The following IPPK variants were observed in gnomAD, a reference collection of about 807,000 sequenced individuals.
The protein encoded by IPPK is IPK1 homolog.
In IPPK, 22 loss-of-function variants were observed where a neutral mutation model predicts 64.6. The observed-to-expected ratio is 0.34, with a 90% CI of 0.24 to 0.49. The LOEUF is 0.49. Ranked by LOEUF, IPPK falls within the 20% of genes least tolerant of loss-of-function variation. The pLI, the probability that IPPK is intolerant of heterozygous loss-of-function variation, is 0.99. For missense variants in IPPK, 532 were observed against 630.7 expected (o/e 0.84, Z 1.68); for synonymous variants, 262 against 247.2 (o/e 1.06, Z -0.56).
At chr9:92,633,418 G>A (rs1324639350) in intron 11 of IPPK, among the ~76,000 whole-genome samples, 1 of 151,068 alleles carries the variant, frequency 6.6e-6, no homozygotes, top group Non-Finnish European at 1.5e-5. Context: ...CTGTCACCCA[G>A]GCTGGAGCAC....
At chr9:92,625,690 G>C (rs1851720166) in intron 11 of IPPK, among the ~76,000 whole-genome samples, 1 of 152,216 alleles carries the variant, frequency 6.6e-6, no homozygotes, top group African/African-American at 2.4e-5. Flanking sequence ...TGGGAAGGCT[G>C]AGCTGTCCTA....
intron 1 of IPPK, among the ~76,000 whole-genome samples, chr9:92,665,552 C>T (rs1046567099): frequency 3.3e-5 from 5 of 152,026 alleles, no homozygotes; most frequent in Admixed American, 2.6e-4. Context: ...GAGTATCATA[C>T]ATATCCATTG....
rs1852286629 is a variant in IPPK at position 92,652,460 on chromosome 9, A to AG, written c.292+112_292+113insC. The stretch of plus-strand genomic sequence containing the variant: ...TGAGACTCCGTCTCAAAAAAAAAAA[A>AG]AAAAAAAGGATTACTGAAAAATGCA... On this transcript the variant is annotated intron_variant, in intron 4 of 12. Transcript: ENST00000287996. 9.5e-6 allele frequency: 5 copies of AG among 528,648 alleles called. No individual in the cohort carries two copies. The East Asian group carries it at 1.6e-4, about 17-fold the overall frequency. 32.7% of individuals were successfully genotyped at this position (528,648 alleles called of 1,614,324 possible). A position where few individuals can be genotyped will look rare whatever the true frequency, so the allele number is the denominator to read the frequency against.
chr9:92,630,401 T>C (rs888339628), intron 11 of IPPK, among the ~76,000 whole-genome samples: 3 of 152,210 alleles, frequency 2.0e-5, no homozygotes, highest in Admixed American at 1.3e-4. Context: ...AATGGGACGA[T>C]AGCTAAAGGG....
At chr9:92,658,484 T>A in intron 2 of IPPK, 150 bp downstream of exon 2, 1 of 712,158 alleles carries the variant, frequency 1.4e-6, no homozygotes, top group Non-Finnish European at 2.4e-6. Flanking sequence ...CAGTTTTATA[T>A]CAGGAATGAT....
At chr9:92,623,340 A>C (rs1851676578) in intron 11 of IPPK, among the ~76,000 whole-genome samples, 1 of 152,010 alleles carries the variant, frequency 6.6e-6, no homozygotes, top group African/African-American at 2.4e-5. Flanking sequence ...AGGCTGAGGC[A>C]GGAGAATGGT....
chr9:92,623,011 A>C (rs994594765), intron 11 of IPPK, among the ~76,000 whole-genome samples: 1 of 152,208 alleles, frequency 6.6e-6, no homozygotes, highest in Non-Finnish European at 1.5e-5. Flanking sequence ...AAAACAATAA[A>C]TTTTCTAAAG....
Position 92,635,099 on chromosome 9 carries a change from C to A in IPPK, c.1067+59G>T. The A allele has an allele frequency of 6.6e-7, 1 of 1,508,994 alleles. No homozygotes were observed. The highest frequency in any genetic ancestry group is 9.0e-7 in the Non-Finnish European group (1 of 1,115,278). The allele number at this position is 1,508,994 out of a possible 1,614,324, so 93.5% of individuals were successfully genotyped here. A position where few individuals can be genotyped will look rare whatever the true frequency, so the allele number is the denominator to read the frequency against. ...GTGCCTTGGGAGGCGCATTCTTACC[C>A]TGCCCACTCCCACAGTCTCCTCTCA... is the stretch of plus-strand genomic sequence containing the variant. On this transcript the variant is annotated intron_variant, in intron 10 of 12. Transcript: ENST00000287996. This position sits in a 1 kb window ranked among gnomAD's most constrained non-coding sequence, Gnocchi z 4.4.
intron 1 of IPPK, 135 bp downstream of exon 1, chr9:92,669,773 C>A (rs2277165): frequency 0.051 from 31,847 of 627,434 alleles, 1,065 homozygotes; most frequent in South Asian, 0.096. Context: ...GGGGGAATTC[C>A]GGAGACCGGC....
intron 1 of IPPK, among the ~76,000 whole-genome samples, chr9:92,663,388 T>C (rs1852527268): frequency 6.6e-6 from 1 of 152,212 alleles, no homozygotes; most frequent in Admixed American, 6.5e-5. Flanking sequence ...TCTAGGTGTG[T>C]TCATATGGCA....
chr9:92,643,875 A>G (rs17366134), intron 6 of IPPK, among the ~76,000 whole-genome samples: 6,045 of 152,366 alleles, frequency 0.04, 185 homozygotes, highest in South Asian at 0.11. Flanking sequence ...ATGCAAATAT[A>G]TCTGACAATA....
rs937874892 is a variant in IPPK, at chr9:92,670,125, G to A, written c.-137C>T. On this transcript the variant is annotated 5_prime_UTR_variant, in exon 1 of 13. Coordinates refer to ENST00000287996, the MANE Select transcript of IPPK (RefSeq NM_022755.6). ...TGCCGCCCCCGCTCGACCCCGCCGC[G>A]GCGACTAGCAAGCTGTGGCCGCCGG... 4.4e-5 allele frequency: 25 copies of A among 565,920 alleles called. No homozygotes were observed. Among genetic ancestry groups the A allele is most frequent in the Admixed American group, 4.3e-5 (1 of 23,326 alleles). 35.1% of individuals were successfully genotyped at this position (565,920 alleles called of 1,614,324 possible).
At chr9:92,650,310 G>C (rs546986125) in intron 4 of IPPK, among the ~76,000 whole-genome samples, 20 of 151,424 alleles carry the variant, frequency 1.3e-4, no homozygotes, top group Non-Finnish European at 2.9e-4. Context: ...CCTGGCGAAG[G>C]AGCAAGACTC....
At chr9:92,621,682 T>C (rs1468554903) in intron 11 of IPPK, among the ~76,000 whole-genome samples, 1 of 152,046 alleles carries the variant, frequency 6.6e-6, no homozygotes, top group Admixed American at 6.5e-5. Context: ...ACTCGGCTGA[T>C]TTTTAATTAC....
intron 11 of IPPK, among the ~76,000 whole-genome samples, chr9:92,622,520 G>A (rs191521542): frequency 5.6e-4 from 85 of 152,150 alleles, no homozygotes; most frequent in African/African-American, 1.8e-3. Flanking sequence ...TCTTTTTAAA[G>A]ATGCCATTTA....
intron 1 of IPPK, among the ~76,000 whole-genome samples, chr9:92,661,767 T>A (rs1852489777): frequency 6.6e-6 from 1 of 152,212 alleles, no homozygotes; most frequent in African/African-American, 2.4e-5. Flanking sequence ...CCAGTTTTCA[T>A]CAATACCAAA....
chr9:92,655,654 G>A (rs1301369890), intron 3 of IPPK, among the ~76,000 whole-genome samples: 2 of 152,176 alleles, frequency 1.3e-5, no homozygotes, highest in Non-Finnish European at 2.9e-5. Flanking sequence ...TGCCACAGAG[G>A]ATTCTGGTGG....
Position 92,670,045 on chromosome 9 carries a change from C to A in IPPK, c.-57G>T. The A allele has an allele frequency of 3.1e-6, 4 of 1,309,406 alleles. No individual in the cohort carries two copies. The highest frequency in any genetic ancestry group is 4.2e-6 in the Non-Finnish European group (4 of 941,514). 81.1% of individuals were successfully genotyped at this position (1,309,406 alleles called of 1,614,324 possible). ...AGGACTCGGGGACGCGAGCTGGGGG[C>A]CGCCCGCCTCGCTGGGAACCAGCCG... On this transcript the variant is annotated 5_prime_UTR_variant, in exon 1 of 13. Coordinates refer to ENST00000287996, the MANE Select transcript of IPPK (RefSeq NM_022755.6).
At chr9:92,646,535 G>C (rs973528075) in intron 6 of IPPK, among the ~76,000 whole-genome samples, 1 of 152,180 alleles carries the variant, frequency 6.6e-6, no homozygotes, top group Admixed American at 6.5e-5. Flanking sequence ...GAAAGCAAAA[G>C]AGAAATCAGA....
Sources: gnomAD v4.1 joint callset for allele counts (sites outside exome capture counted in the v4.1 genomes callset) on GRCh38, gnomAD v4.1.1 for gene constraint, Gnocchi (gnomAD v3.1) non-coding constraint, MANE v1.5 for transcripts, NCBI Gene and HGNC (gene_info 2026-07-23, HGNC 2026-07-21) for gene names.